TTC3: variants seen among roughly 807,000 people sequenced by gnomAD.
TTC3 encodes the protein tetratricopeptide repeat domain 3.
TTC3 carries 180 observed loss-of-function variants against 249.6 expected under a neutral mutation model. The observed-to-expected ratio is 0.72, with a 90% confidence interval of 0.64 to 0.82. TTC3 has a LOEUF of 0.82. Ranked by LOEUF, TTC3 falls within the 40% of genes least tolerant of loss-of-function variation. TTC3 has a pLI of 0.00. For synonymous variants in TTC3, 717 were observed against 805.0 expected, an observed-to-expected ratio of 0.89 and a Z score of 1.85; for missense variants, 2,061 against 2,398.4, an observed-to-expected ratio of 0.86 and a Z score of 2.94.
intron 11 of TTC3, among the ~76,000 whole-genome samples, chr21:37,119,688 A>G (rs1031661661): frequency 5.3e-5 from 8 of 152,098 alleles, no homozygotes; most frequent in Non-Finnish European, 1.2e-4. Flanking sequence ...CACAGGGCTT[A>G]CTTTATATGT....
At chr21:37,174,737 G>A (rs1385078358) in intron 35 of TTC3, among the ~76,000 whole-genome samples, 1 of 152,140 alleles carries the variant, frequency 6.6e-6, no homozygotes, top group East Asian at 1.9e-4. Flanking sequence ...CCATGTAGTA[G>A]CTTTGTGATG....
chr21:37,136,719 T>C (rs972342063), intron 18 of TTC3, among the ~76,000 whole-genome samples: 1 of 152,206 alleles, frequency 6.6e-6, no homozygotes, highest in Non-Finnish European at 1.5e-5. Context: ...GTGAAGATCA[T>C]TGATGAAGGT....
At chr21:37,088,591 G>T (rs56342756) in intron 4 of TTC3, among the ~76,000 whole-genome samples, 99,222 of 151,368 alleles carry the variant, frequency 0.66, 32,725 homozygotes, top group Admixed American at 0.69. Context: ...ATTAACATGG[G>T]TGTTTATAAG....
Position 37,192,098 on chromosome 21 carries a change from CT to C in TTC3, c.5116-11del. The C allele has an allele frequency of 6.5e-7, 1 of 1,544,448 alleles. No homozygotes were observed. Among genetic ancestry groups the C allele is most frequent in the Non-Finnish European group, 8.8e-7 (1 of 1,130,604 alleles). On this transcript the variant is annotated splice_polypyrimidine_tract_variant and intron_variant, in intron 40 of 45. Transcript: ENST00000355666. ...ACAATTGTGGTTTTCCCACACTTTA[CT>C]TTCTACTCACAGTCTCAGTTTGAAG...
chr21:37,113,669 GA>G (rs1165253452), intron 11 of TTC3, among the ~76,000 whole-genome samples: 1 of 152,064 alleles, frequency 6.6e-6, no homozygotes, highest in Non-Finnish European at 1.5e-5. Flanking sequence ...TTTCTTCACA[GA>G]ATTGGAAAAA....
chr21:37,150,273 C>A, intron 24 of TTC3, 103 bp downstream of exon 24: 1 of 830,766 alleles, frequency 1.2e-6, no homozygotes, highest in Non-Finnish European at 2.0e-6. Flanking sequence ...GGATCTTTTC[C>A]AGGAAAGAAA....
chr21:37,126,011 T>A (rs2077013328), intron 14 of TTC3, 69 bp from the exon 15 acceptor site: 2 of 1,434,872 alleles, frequency 1.4e-6, no homozygotes, highest in Admixed American at 2.1e-5. Flanking sequence ...AATTCTTTTA[T>A]ATAGCTATTG....
intron 20 of TTC3, among the ~76,000 whole-genome samples, chr21:37,142,285 C>G (rs998795070): frequency 4.6e-5 from 7 of 152,136 alleles, no homozygotes; most frequent in Non-Finnish European, 4.4e-5. Context: ...AAAGGGTATT[C>G]AATTAGGAAA....
chr21:37,153,397 G>T, intron 27 of TTC3, 120 bp downstream of exon 27: 1 of 1,000,708 alleles, frequency 1.0e-6, no homozygotes. Context: ...CTATAAATTT[G>T]TATGGTTAAG....
At chr21:37,092,874 CTTTAG>C (rs1242123222) in intron 7 of TTC3, among the ~76,000 whole-genome samples, 2 of 152,006 alleles carry the variant, frequency 1.3e-5, no homozygotes, top group African/African-American at 4.8e-5. Flanking sequence ...GCCCGATAAA[CTTTAG>C]TTACTTACTG....
Position 37,198,116 on chromosome 21 carries a change from C to A in TTC3, c.5850+91C>A. ...TGATTTAGCCCCATTCATTTCTAGA[C>A]CTAATTTATTTGATCCCAACATTAG... On this transcript the variant is annotated intron_variant, in intron 44 of 45. Transcript: ENST00000355666. 3 of 1,406,010 alleles carry A rather than the reference C, an allele frequency of 2.1e-6. No individual in the cohort carries two copies. The South Asian group carries it at 4.7e-5, about 22-fold the overall frequency. The allele number at this position is 1,406,010 out of a possible 1,614,324, so 87.1% of individuals were successfully genotyped here.
intron 11 of TTC3, among the ~76,000 whole-genome samples, chr21:37,110,674 G>A (rs2147809905): frequency 6.6e-6 from 1 of 152,270 alleles, no homozygotes; most frequent in Admixed American, 6.5e-5. Flanking sequence ...AGCAAGGCAG[G>A]CCAACATTCA....
intron 1 of TTC3, among the ~76,000 whole-genome samples, chr21:37,074,593 T>A (rs2070561536): frequency 6.6e-6 from 1 of 152,178 alleles, no homozygotes; most frequent in Non-Finnish European, 1.5e-5. Flanking sequence ...AAGGTAGAAA[T>A]TTTACAGATT....
intron 18 of TTC3, 67 bp from the exon 19 acceptor site, chr21:37,138,567 G>C: frequency 3.7e-6 from 4 of 1,071,100 alleles, no homozygotes; most frequent in Non-Finnish European, 5.7e-6. Flanking sequence ...TTCTTTTTCT[G>C]TTGTGACTGG....
chr21:37,153,980 G>T (rs1286084898), intron 27 of TTC3, among the ~76,000 whole-genome samples: 2 of 152,170 alleles, frequency 1.3e-5, no homozygotes, highest in East Asian at 3.8e-4. Flanking sequence ...AACTTGGCTG[G>T]GAGAAGGGAA....
At chr21:37,147,724 TC>T in intron 22 of TTC3, 121 bp downstream of exon 22, 3 of 1,198,372 alleles carry the variant, frequency 2.5e-6, no homozygotes, top group Non-Finnish European at 3.4e-6. Context: ...TCCACCCCTT[TC>T]CCAGGATTTT....
At chr21:37,158,494 G>T (rs569280700) in intron 28 of TTC3, among the ~76,000 whole-genome samples, 13 of 152,230 alleles carry the variant, frequency 8.5e-5, no homozygotes, top group Non-Finnish European at 1.8e-4. Flanking sequence ...TCATTTAAAA[G>T]AATAGTTATA....
chr21:37,074,693 A>T (rs529789078), intron 1 of TTC3, among the ~76,000 whole-genome samples: 68 of 152,292 alleles, frequency 4.5e-4, no homozygotes, highest in African/African-American at 1.6e-3. Context: ...ATCCTAAGGA[A>T]AATGGGATAT....
intron 42 of TTC3, among the ~76,000 whole-genome samples, chr21:37,196,762 T>G (rs1289042848): frequency 6.6e-6 from 1 of 152,226 alleles, no homozygotes; most frequent in Non-Finnish European, 1.5e-5. Context: ...CCTTGTTATA[T>G]AAGACCTCTG....
Sources: allele counts gnomAD v4.1 joint callset (sites outside exome capture counted in the v4.1 genomes callset), GRCh38; gene constraint gnomAD v4.1.1; transcripts MANE v1.5; gene names NCBI Gene and HGNC (gene_info 2026-07-23, HGNC 2026-07-21).